Variants in GALK1 observed in about 807,000 individuals in gnomAD.
GALK1 encodes galactokinase 1, also known as galactokinase.
A neutral mutation model predicts 38.6 loss-of-function variants in GALK1; 30 were observed. That is an observed-to-expected ratio of 0.78 (90% confidence interval 0.58 to 1.05). The LOEUF is 1.05. GALK1 is among the 50% of genes least tolerant of loss of function. GALK1 has a pLI of 0.00. For synonymous variants in GALK1, 240 were observed against 233.6 expected (o/e 1.03, Z -0.25); for missense variants, 512 against 540.5 (o/e 0.95, Z 0.52).
downstream of GALK1, among the ~76,000 whole-genome samples, chr17:75,754,316 A>C (rs1033072057): frequency 1.3e-5 from 2 of 151,692 alleles, no homozygotes; most frequent in Non-Finnish European, 3.0e-5. Context: ...GACGCAGCAA[A>C]CCCCCGCCAC....
Position 75,763,324 on chromosome 17 carries a change from A to G in GALK1, c.471T>C (p.Cys157=). The G allele has an allele frequency of 6.2e-7, 1 of 1,613,982 alleles. No individual in the cohort carries two copies. Among genetic ancestry groups the G allele is most frequent in the Non-Finnish European group, 8.5e-7 (1 of 1,179,982 alleles). ...GGGCTGGGGCCTAGCTGGTACCTGG[A>G]CAGAGCTGCTGGAGGAAGGTGTACG... is the stretch of plus-strand genomic sequence containing the variant. ...VATYTFLQQL[C]PDSGTIAARA... The change falls in exon 3 of 8, where the codon TGT becomes TGC. Residue 157 remains cysteine, a synonymous_variant. Coordinates refer to ENST00000588479, the MANE Select transcript of GALK1 (RefSeq NM_000154.2).
rs536478616 is a variant in GALK1, at chr17:75,758,221, G to C, written c.1096C>G (p.Arg366Gly). ...TGGTGCCCGCCCACCTGGATGTGCC[G>C]CATGGCGTGGGGAGCAGCGGAGGCC... ...LEASAAPHAM[R>G]HIQEHYGGTA... The change falls in exon 7 of 8, where the codon CGG (arginine) becomes GGG (glycine). Residue 366 changes from arginine to glycine, a missense_variant. Coordinates refer to ENST00000588479, the MANE Select transcript of GALK1 (RefSeq NM_000154.2). 5 of 1,605,052 alleles carry C rather than the reference G, an allele frequency of 3.1e-6. No individual in the cohort carries two copies. The Admixed American group carries it at 5.1e-5, about 16-fold the overall frequency.
intron 5 of GALK1, among the ~76,000 whole-genome samples, chr17:75,759,792 C>G (rs1411097071): frequency 1.3e-5 from 2 of 152,144 alleles, no homozygotes; most frequent in Non-Finnish European, 2.9e-5. Context: ...GGAGGTCCCT[C>G]GGAGCTGTCT....
chr17:75,757,368 A>G (rs973647169), downstream of GALK1: 8 of 1,612,686 alleles, frequency 5.0e-6, no homozygotes, highest in Non-Finnish European at 6.8e-6. Flanking sequence ...TAGCAGAGGG[A>G]GAAGGGCAGA....
rs774107830 is a variant in GALK1, at chr17:75,762,753, C to T, written c.744G>A (p.Arg248=). The T allele has an allele frequency of 2.5e-6, 4 of 1,613,802 alleles. No individual in the cohort carries two copies. Among genetic ancestry groups the T allele is most frequent in the Non-Finnish European group, 3.4e-6 (4 of 1,180,046 alleles). The change falls in exon 5 of 8, where the codon CGG becomes CGA. Residue 248 remains arginine (R), a synonymous_variant. Coordinates refer to ENST00000588479, the MANE Select transcript of GALK1 (RefSeq NM_000154.2). The part of the protein sequence containing the change: ...VRRRQCEEVA[R]ALGKESLREV... The stretch of plus-strand genomic sequence containing the variant: ...CCCGGAGGCTTTCCTTGCCCAGCGC[C>T]CGGGCCACTTCTTCACATTGGCGCC...
chr17:75,754,834 C>G (rs1377130722), downstream of GALK1: 1 of 1,614,058 alleles, frequency 6.2e-7, no homozygotes, highest in East Asian at 2.2e-5. Flanking sequence ...CCTCAGCCAA[C>G]CCTGCCTCTC....
chr17:75,757,055 G>C (rs1325508547), downstream of GALK1: 2 of 1,612,556 alleles, frequency 1.2e-6, no homozygotes, highest in Non-Finnish European at 1.7e-6. Flanking sequence ...GGACCACTGA[G>C]GGCTTCGGGC....
downstream of GALK1, chr17:75,756,651 C>G (rs542100967): frequency 2.5e-6 from 4 of 1,612,952 alleles, no homozygotes; most frequent in East Asian, 4.5e-5. Flanking sequence ...GAGCTGCCCC[C>G]ATCATGCCCA....
At position 75,758,146 on chromosome 17, in the gene GALK1, G is replaced by C; in HGVS notation, c.1108-19C>G. 1 of 1,612,314 alleles carries C rather than the reference G, an allele frequency of 6.2e-7. No homozygotes were observed. Among genetic ancestry groups the C allele is most frequent in the Non-Finnish European group, 8.5e-7 (1 of 1,179,818 alleles). On this transcript the variant is annotated intron_variant, in intron 7 of 7. Coordinates refer to ENST00000588479, the MANE Select transcript of GALK1 (RefSeq NM_000154.2). Reference sequence around the variant, plus strand: ...AGTGCTCCTGTAAGAGGCGGGCTGGGGGTGAGTGGCAGGGCCCCGGGAAGC... The same window carrying C: ...AGTGCTCCTGTAAGAGGCGGGCTGGCGGTGAGTGGCAGGGCCCCGGGAAGC...
At chr17:75,764,727 C>A in intron 1 of GALK1, 1 of 622,604 alleles carries the variant, frequency 1.6e-6, no homozygotes, top group Non-Finnish European at 2.9e-6. Context: ...AGCCCCAGCC[C>A]CCAGAGGGCG....
intron 8 of GALK1, chr17:75,751,818 G>C (rs556421781): frequency 3.4e-4 from 128 of 380,270 alleles, no homozygotes; most frequent in African/African-American, 2.5e-3. Flanking sequence ...TAGCAGAACA[G>C]TTATTTCTCC....
Position 75,763,991 on chromosome 17 carries a change from C to T in GALK1, c.261G>A (p.Arg87=), listed in dbSNP as rs2143605202. ...TTSEGADEPQ[R]LQFPLPTAQR... ...GGGCTGTGGGCAGTGGAAACTGCAG[C>T]CGCTGGGGCTCATCGGCACCCTCAG... The change falls in exon 2 of 8, where the codon CGG becomes CGA. Residue 87 remains arginine, a synonymous_variant. Transcript: ENST00000588479. The T allele has an allele frequency of 1.9e-6, 3 of 1,612,184 alleles. No individual in the cohort carries two copies. Among genetic ancestry groups the T allele is most frequent in the Non-Finnish European group, 2.5e-6 (3 of 1,179,682 alleles).
At chr17:75,759,560 A>C (rs925796663) in intron 5 of GALK1, among the ~76,000 whole-genome samples, 2 of 151,968 alleles carry the variant, frequency 1.3e-5, no homozygotes, top group Admixed American at 6.6e-5. Flanking sequence ...GGATGGAAGG[A>C]GAGGGATTGC....
Position 75,758,384 on chromosome 17 carries a change from A to C in GALK1, c.945-12T>G, listed in dbSNP as rs541345465. 3 of 1,585,386 alleles carry C rather than the reference A, an allele frequency of 1.9e-6. No homozygotes were observed. The highest frequency in any genetic ancestry group is 2.7e-5 in the African/African-American group (2 of 74,686). On this transcript the variant is annotated splice_polypyrimidine_tract_variant and intron_variant, in intron 6 of 7. Coordinates refer to ENST00000588479, the MANE Select transcript of GALK1 (RefSeq NM_000154.2). ...CCTCATAGTCGTCTCTGCAGAGAGG[A>C]TATTGAAGGGGTGGGCCTGGGCCGG...
chr17:75,760,388 C>T (rs1032962177), intron 5 of GALK1, among the ~76,000 whole-genome samples: 3 of 151,874 alleles, frequency 2.0e-5, no homozygotes, highest in Admixed American at 6.6e-5. Context: ...CGTGAGCCAC[C>T]GCACCCAGCC....
downstream of GALK1, chr17:75,754,981 G>C (rs368024960): frequency 2.0e-6 from 3 of 1,528,896 alleles, no homozygotes; most frequent in African/African-American, 4.1e-5. Flanking sequence ...CATGTACACA[G>C]ACATGCATGC....
downstream of GALK1, chr17:75,757,179 T>C: frequency 6.2e-7 from 1 of 1,611,910 alleles, no homozygotes; most frequent in Non-Finnish European, 8.5e-7. Flanking sequence ...ACCCTCTGAC[T>C]GGCCTATCTG....
rs2061604674 is a variant in GALK1 at position 75,765,004 on chromosome 17, T to C, written c.133A>G (p.Thr45Ala). Reference sequence around the variant, plus strand: ...AGCACCAGGCCCTGGTTGTAGTCCGTGTGTTCCCCGATGAGGTTGACGCGG... The same window carrying C: ...AGCACCAGGCCCTGGTTGTAGTCCGCGTGTTCCCCGATGAGGTTGACGCGG... ...PGRVNLIGEH[T>A]DYNQGLVLPM... Residue 45 changes from threonine to alanine, a missense_variant, in exon 1 of 8, where the codon ACG becomes GCG. By Grantham distance (58) the Thr-to-Ala change is moderately conservative (BLOSUM62 0). Coordinates refer to ENST00000588479, the MANE Select transcript of GALK1 (RefSeq NM_000154.2). The C allele has an allele frequency of 6.2e-7, 1 of 1,610,664 alleles. No homozygotes were observed. The highest frequency in any genetic ancestry group is 1.3e-5 in the African/African-American group (1 of 74,834).
intron 1 of GALK1, 78 bp from the exon 2 acceptor site, chr17:75,764,164 G>C (rs917907745): frequency 4.6e-6 from 6 of 1,297,136 alleles, no homozygotes; most frequent in Non-Finnish European, 6.5e-6. Context: ...CTCCAGCCGA[G>C]GTTCTGATGC....
Sources: gnomAD v4.1 joint callset for allele counts (sites outside exome capture counted in the v4.1 genomes callset) on GRCh38, gnomAD v4.1.1 for gene constraint, MANE v1.5 for transcripts, NCBI Gene and HGNC (gene_info 2026-07-23, HGNC 2026-07-21) for gene names.